The following KALRN variants were observed in gnomAD, a reference collection of about 807,000 sequenced individuals.
KALRN encodes the protein kalirin RhoGEF kinase, also known as kalirin.
A neutral mutation model predicts 353.7 loss-of-function variants in KALRN; 70 were observed. The ratio of observed to expected loss-of-function variants is 0.20; its 90% CI spans 0.16 to 0.24. The LOEUF is 0.24. Among genes scored for constraint, KALRN ranks in the 10% least tolerant of loss-of-function variants. The pLI is 1.00. For synonymous variants in KALRN, 1,391 were observed against 1,434.8 expected, an observed-to-expected ratio of 0.97 and a Z score of 0.69; for missense variants, 2,791 against 3,756.7, an observed-to-expected ratio of 0.74 and a Z score of 6.72.
chr3:124,194,492 G>T (rs1433122013), intron 1 of KALRN, among the ~76,000 whole-genome samples: 2 of 152,144 alleles, frequency 1.3e-5, no homozygotes, highest in Non-Finnish European at 2.9e-5. Context: ...TGCATGGAAT[G>T]AAATTCTGTA....
At chr3:124,548,938 ACC>A (rs1413780158) in intron 33 of KALRN, among the ~76,000 whole-genome samples, 9 of 152,182 alleles carry the variant, frequency 5.9e-5, no homozygotes, top group Admixed American at 5.9e-4. Flanking sequence ...ATAGGCATGA[ACC>A]ACCGTGCCTG....
intron 27 of KALRN, among the ~76,000 whole-genome samples, chr3:124,478,040 T>A (rs941082692): frequency 2.0e-5 from 3 of 152,138 alleles, no homozygotes; most frequent in African/African-American, 4.8e-5. Flanking sequence ...TATGACACAA[T>A]CCTGTTGGCA....
At chr3:124,170,902 G>C (rs141294389) in intron 1 of KALRN, among the ~76,000 whole-genome samples, 5 of 128,904 alleles carry the variant, frequency 3.9e-5, no homozygotes, top group Non-Finnish European at 6.2e-5. Context: ...ACCCAGGCTG[G>C]AGTGTCGTTC....
At chr3:124,398,329 T>A (rs187225524) in intron 12 of KALRN, among the ~76,000 whole-genome samples, 2,324 of 152,322 alleles carry the variant, frequency 0.015, 33 homozygotes, top group African/African-American at 0.043. Flanking sequence ...TGTGTGTGTG[T>A]TGGAACTATA....
chr3:124,578,935 C>T (rs34742444), intron 34 of KALRN, among the ~76,000 whole-genome samples: 17,581 of 152,122 alleles, frequency 0.12, 1,102 homozygotes, highest in African/African-American at 0.13. Context: ...CAAGCCTATG[C>T]TCTATAAAAG....
chr3:124,596,085 A>G (rs2076238047), intron 34 of KALRN, among the ~76,000 whole-genome samples: 1 of 152,180 alleles, frequency 6.6e-6, no homozygotes, highest in African/African-American at 2.4e-5. Context: ...AAAAAGTAGA[A>G]ACAAACAGGT....
At chr3:124,500,532 T>TA (rs2064395301) in intron 33 of KALRN, among the ~76,000 whole-genome samples, 1 of 152,226 alleles carries the variant, frequency 6.6e-6, no homozygotes, top group African/African-American at 2.4e-5. Flanking sequence ...GCTGTTTTCT[T>TA]AAGCTGTAAA....
intron 33 of KALRN, among the ~76,000 whole-genome samples, chr3:124,557,846 T>C (rs1161127877): frequency 6.6e-6 from 1 of 152,114 alleles, no homozygotes; most frequent in African/African-American, 2.4e-5. Context: ...CAGAAGTCAG[T>C]ATTCACAGTT....
chr3:124,711,898 CTT>C (rs912710677), intron 57 of KALRN, among the ~76,000 whole-genome samples: 6 of 152,250 alleles, frequency 3.9e-5, no homozygotes, highest in South Asian at 4.1e-4. Context: ...ATTTTCTTTA[CTT>C]TTGTGTATAT....
chr3:124,296,894 C>G (rs1345041348), intron 5 of KALRN, among the ~76,000 whole-genome samples: 1 of 152,260 alleles, frequency 6.6e-6, no homozygotes, highest in Admixed American at 6.5e-5. Context: ...CTTCTCTGCT[C>G]TTCCCCATCT....
intron 13 of KALRN, among the ~76,000 whole-genome samples, chr3:124,409,726 A>G (rs1285406624): frequency 2.0e-5 from 3 of 152,200 alleles, no homozygotes; most frequent in Non-Finnish European, 4.4e-5. Context: ...ATGAGCCTCT[A>G]TTGTCTTCCA....
rs1289571021 is a variant in KALRN, at chr3:124,495,955, GTGTATGTATGTATATATA to G, written c.4833-354_4833-337del. Among the ~76,000 whole-genome samples the G allele has an allele frequency of 7.3e-5, 2 of 27,462 alleles. 1 individual carries two copies. The highest frequency in any genetic ancestry group is 3.1e-3 in the East Asian group (2 of 644). 18.0% of individuals were successfully genotyped at this position (27,462 alleles called of 152,430 possible). A position where few individuals can be genotyped will look rare whatever the true frequency, so the allele number is the denominator to read the frequency against. On this transcript the variant is annotated intron_variant, in intron 32 of 59. Coordinates refer to ENST00000682506, the MANE Select transcript of KALRN (RefSeq NM_001388419.1). Reference sequence around the variant, plus strand: ...CAGACCCGTTCCCAAGTGTGTGTATGTGTATGTATGTATATATATATATATATATATATATATATATAT... The same window carrying G: ...CAGACCCGTTCCCAAGTGTGTGTATGTATATATATATATATATATATATAT...
chr3:124,301,584 G>A (rs898175506), intron 6 of KALRN, among the ~76,000 whole-genome samples: 13 of 152,142 alleles, frequency 8.5e-5, no homozygotes, highest in African/African-American at 3.1e-4. Flanking sequence ...TTGTTAAATG[G>A]GAGGTTTAAG....
chr3:124,308,039 A>G (rs2077878292), intron 6 of KALRN, among the ~76,000 whole-genome samples: 1 of 152,052 alleles, frequency 6.6e-6, no homozygotes, highest in Admixed American at 6.5e-5. Context: ...TCTTAAGTGC[A>G]TTTTAAAAGA....
chr3:124,106,616 G>A (rs1160339716), intron 1 of KALRN, among the ~76,000 whole-genome samples: 4 of 152,178 alleles, frequency 2.6e-5, no homozygotes, highest in Non-Finnish European at 5.9e-5. Context: ...GGGCCTTGGA[G>A]AAGACTGTGG....
At chr3:124,609,437 CAT>C in intron 34 of KALRN, among the ~76,000 whole-genome samples, 2 of 152,304 alleles carry the variant, frequency 1.3e-5, no homozygotes, top group East Asian at 3.9e-4. Context: ...TCATGCAACT[CAT>C]GTGTTCATGC....
chr3:124,091,889 G>A (rs1261483260), intron 1 of KALRN, among the ~76,000 whole-genome samples: 1 of 152,212 alleles, frequency 6.6e-6, no homozygotes, highest in Non-Finnish European at 1.5e-5. Context: ...GCAGTTAAAT[G>A]GCAATGCTGA....
intron 1 of KALRN, among the ~76,000 whole-genome samples, chr3:124,041,286 G>A (rs1314952421): frequency 6.6e-6 from 1 of 152,124 alleles, no homozygotes; most frequent in Non-Finnish European, 1.5e-5. Context: ...GTAAGATGAG[G>A]ATAATAGCCC....
chr3:124,326,237 T>C, intron 7 of KALRN, 66 bp downstream of exon 7: 1 of 1,386,302 alleles, frequency 7.2e-7, no homozygotes, highest in Non-Finnish European at 1.0e-6. Context: ...AGGGGAGGGC[T>C]GGATGGGAGC....
Sources: gnomAD v4.1 joint callset for allele counts (sites outside exome capture counted in the v4.1 genomes callset) on GRCh38, gnomAD v4.1.1 for gene constraint, MANE v1.5 for transcripts, NCBI Gene and HGNC (gene_info 2026-07-23, HGNC 2026-07-21) for gene names.